Variants in FRS2 observed in about 807,000 individuals in gnomAD.
FRS2 encodes the protein FGFR signalling adaptor.
FRS2 carries 8 observed loss-of-function variants against 43.9 expected under a neutral mutation model. That is an observed-to-expected ratio of 0.18 (90% confidence interval 0.11 to 0.33). The LOEUF is 0.33. Ranked by LOEUF, FRS2 falls within the 10% of genes least tolerant of loss-of-function variation. The probability of loss-of-function intolerance (pLI) is 1.00; values close to 1 mark genes in which losing one functional copy is unlikely to be tolerated. For missense variants in FRS2, 534 were observed against 627.6 expected, an observed-to-expected ratio of 0.85 and a Z score of 1.59; for synonymous variants, 219 against 220.3, an observed-to-expected ratio of 0.99 and a Z score of 0.05.
chr12:69,513,230 C>T (rs1011856412), intron 1 of FRS2, among the ~76,000 whole-genome samples: 4 of 151,252 alleles, frequency 2.6e-5, no homozygotes, highest in Non-Finnish European at 4.4e-5. Flanking sequence ...TTCTTTTTTC[C>T]TAAATTTTAA....
At chr12:69,472,289 C>G (rs1245328794) in intron 1 of FRS2, among the ~76,000 whole-genome samples, 1 of 134,982 alleles carries the variant, frequency 7.4e-6, no homozygotes, top group African/African-American at 2.8e-5. Flanking sequence ...GCCGAGGTTT[C>G]ACTATGTTGC....
At chr12:69,471,053 G>C (rs951940154) in intron 1 of FRS2, among the ~76,000 whole-genome samples, 9 of 152,114 alleles carry the variant, frequency 5.9e-5, no homozygotes, top group African/African-American at 2.2e-4. Context: ...TTTTCATCCA[G>C]ATTTGCTTCA....
intron 1 of FRS2, among the ~76,000 whole-genome samples, chr12:69,499,593 G>A (rs66525678): frequency 0.38 from 58,128 of 151,910 alleles, 11,707 homozygotes; most frequent in South Asian, 0.58. Flanking sequence ...CATAGAGTGT[G>A]AAAGTTTTTA....
intron 1 of FRS2, among the ~76,000 whole-genome samples, chr12:69,487,150 G>T (rs1208426828): frequency 1.3e-5 from 2 of 152,206 alleles, no homozygotes; most frequent in Non-Finnish European, 2.9e-5. Flanking sequence ...GAGCCAACAT[G>T]CCTCACCAGA....
chr12:69,543,185 G>T (rs968081277), intron 3 of FRS2, among the ~76,000 whole-genome samples: 3 of 152,084 alleles, frequency 2.0e-5, no homozygotes, highest in Admixed American at 1.3e-4. Context: ...AAATCTAAGT[G>T]ATAATTTTGA....
intron 3 of FRS2, among the ~76,000 whole-genome samples, chr12:69,558,231 G>A (rs1427684696): frequency 6.6e-6 from 1 of 152,184 alleles, no homozygotes; most frequent in Non-Finnish European, 1.5e-5. Context: ...AATGGATGTT[G>A]TGCCTTGAAG....
At position 69,574,135 on chromosome 12, in the gene FRS2, A is replaced by C. The variant is rs760511357; in HGVS notation, c.707A>C (p.Glu236Ala). ...CCAAAAGAAGAACCAAGTAGTATTGAGGACAGGGATCCTCAGATTCTTCTT... is the reference window on the plus strand; with the variant it reads ...CCAAAAGAAGAACCAAGTAGTATTGCGGACAGGGATCCTCAGATTCTTCTT... ...STPKEEPSSI[E>A]DRDPQILLEP... Residue 236 changes from glutamate to alanine, a missense_variant, in exon 9 of 9, where the codon GAG becomes GCG. By Grantham distance (107) the Glu-to-Ala change is moderately radical. This residue lies in a region of FRS2 where 446 missense variants were observed against 494.2 expected (regional missense o/e 0.90). Coordinates refer to ENST00000549921, the MANE Select transcript of FRS2 (RefSeq NM_001278356.2). 2.5e-6 allele frequency: 4 copies of C among 1,614,022 alleles called. No individual in the cohort carries two copies. In the African/African-American group the frequency reaches 5.3e-5, roughly 22 times the overall value.
At chr12:69,508,448 A>T (rs922037427) in intron 1 of FRS2, among the ~76,000 whole-genome samples, 1 of 152,190 alleles carries the variant, frequency 6.6e-6, no homozygotes, top group African/African-American at 2.4e-5. Context: ...AAAGGCATCT[A>T]TTATGATTGG....
intron 3 of FRS2, among the ~76,000 whole-genome samples, chr12:69,554,621 A>C (rs1297372615): frequency 6.6e-6 from 1 of 152,206 alleles, no homozygotes; most frequent in Non-Finnish European, 1.5e-5. Flanking sequence ...TATTAACTAA[A>C]CTACAGACTA....
At chr12:69,545,732 G>A (rs1878318419) in intron 3 of FRS2, among the ~76,000 whole-genome samples, 2 of 147,446 alleles carry the variant, frequency 1.4e-5, no homozygotes, top group Non-Finnish European at 3.0e-5. Flanking sequence ...CTCCAGCCTG[G>A]GCGACAGTGT....
intron 1 of FRS2, among the ~76,000 whole-genome samples, chr12:69,511,528 A>G (rs1023873453): frequency 3.3e-5 from 5 of 152,214 alleles, no homozygotes; most frequent in African/African-American, 1.2e-4. Flanking sequence ...TATATTCATT[A>G]TATTTCCCAC....
intron 1 of FRS2, among the ~76,000 whole-genome samples, chr12:69,507,275 G>A (rs1874027425): frequency 1.3e-5 from 2 of 152,144 alleles, no homozygotes; most frequent in Middle Eastern, 3.4e-3. Flanking sequence ...GTCATGTTCC[G>A]ACACATAATA....
intron 1 of FRS2, among the ~76,000 whole-genome samples, chr12:69,523,557 G>A (rs1875899095): frequency 6.6e-6 from 1 of 152,150 alleles, no homozygotes; most frequent in Non-Finnish European, 1.5e-5. Context: ...TTTAATTGGG[G>A]TAGTTAGCCT....
intron 3 of FRS2, among the ~76,000 whole-genome samples, chr12:69,560,497 A>C (rs1392220782): frequency 2.0e-5 from 3 of 152,220 alleles, no homozygotes. Context: ...ATTAATTCAT[A>C]AGTGATTGGG....
chr12:69,478,037 G>A lies in FRS2; in HGVS notation c.-261+7507G>A, dbSNP rs1036951295. On this transcript the variant is annotated intron_variant, in intron 1 of 8. Transcript: ENST00000549921. ...ATTACAGGTGTGAGCCACCGCGCCC[G>A]GCTGTTTATTTATTTTTAAACCCTG... Among the ~76,000 whole-genome samples, 9 of 152,132 alleles carry A rather than the reference G, an allele frequency of 5.9e-5. No homozygotes were observed. The East Asian group carries it at 9.6e-4, about 16-fold the overall frequency.
intron 4 of FRS2, 40 bp downstream of exon 4, chr12:69,562,314 A>G (rs1233021720): frequency 5.0e-6 from 2 of 398,110 alleles, no homozygotes; most frequent in African/African-American, 4.1e-5. Context: ...CACTAAGCCT[A>G]CATTTACAAT....
chr12:69,514,212 A>G (rs968526090), intron 1 of FRS2, among the ~76,000 whole-genome samples: 13 of 152,198 alleles, frequency 8.5e-5, no homozygotes, highest in African/African-American at 2.9e-4. Context: ...TTGGAGAACC[A>G]GATTCAGGGC....
chr12:69,558,803 C>T (rs1050722857), intron 3 of FRS2, among the ~76,000 whole-genome samples: 12 of 152,166 alleles, frequency 7.9e-5, no homozygotes, highest in African/African-American at 2.9e-4. Context: ...GGGAATGTGT[C>T]CTTTATCTTT....
chr12:69,574,412 C>G lies in FRS2; in HGVS notation c.984C>G (p.Thr328=). 6.2e-7 allele frequency: 1 copy of G among 1,613,868 alleles called. No individual in the cohort carries two copies. The highest frequency in any genetic ancestry group is 8.5e-7 in the Non-Finnish European group (1 of 1,179,754). The change falls in exon 9 of 9, where the codon ACC becomes ACG. Residue 328 remains threonine, a synonymous_variant. Transcript: ENST00000549921. ...SGVRRGRLTS[T]STSDTQNINN... The stretch of plus-strand genomic sequence containing the variant: ...TCAGGAGAGGTCGTCTGACATCCAC[C>G]AGTACCTCAGATACCCAGAATATCA...
Sources: allele counts gnomAD v4.1 joint callset (sites outside exome capture counted in the v4.1 genomes callset), GRCh38; gene constraint gnomAD v4.1.1; regional missense constraint gnomAD v4.1.1; transcripts MANE v1.5; gene names NCBI Gene and HGNC (gene_info 2026-07-23, HGNC 2026-07-21).